Variants in CDH1 observed in about 807,000 individuals in gnomAD.
CDH1 encodes the protein cadherin 1, also known as cadherin-1.
A neutral mutation model predicts 84.5 loss-of-function variants in CDH1; 35 were observed. That is an observed-to-expected ratio of 0.41 (90% confidence interval 0.32 to 0.55). The LOEUF (loss-of-function observed/expected upper bound fraction) is 0.55. Ranked by LOEUF, CDH1 falls within the 20% of genes least tolerant of loss-of-function variation. The pLI is 0.19. For missense variants in CDH1, 994 were observed against 1,126.6 expected (o/e 0.88, Z 1.68); for synonymous variants, 417 against 439.0 (o/e 0.95, Z 0.63).
intron 15 of CDH1, among the ~76,000 whole-genome samples, chr16:68,831,166 C>T (rs568767906): frequency 6.8e-6 from 1 of 146,960 alleles, no homozygotes; most frequent in East Asian, 2.0e-4. Flanking sequence ...GCAAGCTCTA[C>T]CTCCCAGGTT....
intron 2 of CDH1, among the ~76,000 whole-genome samples, chr16:68,773,079 G>A (rs551865228): frequency 1.3e-5 from 2 of 152,292 alleles, no homozygotes; most frequent in African/African-American, 4.8e-5. Flanking sequence ...ATAAGTGGTG[G>A]AAGGAGAATT....
intron 2 of CDH1, among the ~76,000 whole-genome samples, chr16:68,793,988 CTCTA>C (rs1264980149): frequency 1.3e-5 from 2 of 150,676 alleles, no homozygotes; most frequent in East Asian, 3.9e-4. Context: ...CACAGGACTG[CTCTA>C]TCTAATAAGG....
At chr16:68,785,216 GA>G (rs1960011957) in intron 2 of CDH1, among the ~76,000 whole-genome samples, 1 of 151,866 alleles carries the variant, frequency 6.6e-6, no homozygotes, top group South Asian at 2.1e-4. Context: ...CTTTGAGATG[GA>G]GTCTTGCTCT....
intron 2 of CDH1, among the ~76,000 whole-genome samples, chr16:68,755,760 ATTT>A (rs34523825): frequency 1.2e-4 from 15 of 122,436 alleles, no homozygotes; most frequent in Admixed American, 2.6e-4. Flanking sequence ...AGTTTTCTAA[ATTT>A]TTTTTTTTTT....
chr16:68,789,794 TCATGC>T, intron 2 of CDH1, among the ~76,000 whole-genome samples: 1 of 152,094 alleles, frequency 6.6e-6, no homozygotes. Context: ...GCCCGGTGGC[TCATGC>T]CTGTAATCCC....
chr16:68,804,102 CTTTTTTTTTTTTT>C (rs10563852), intron 3 of CDH1, among the ~76,000 whole-genome samples: 20 of 75,092 alleles, frequency 2.7e-4, no homozygotes, highest in East Asian at 1.7e-3. Flanking sequence ...ATCTGTCTGC[CTTTTTTTTTTTTT>C]TTTTTTTTTT....
intron 2 of CDH1, among the ~76,000 whole-genome samples, chr16:68,788,119 A>T (rs59209050): frequency 6.6e-5 from 10 of 151,928 alleles, no homozygotes; most frequent in East Asian, 5.8e-4. Context: ...GAGCCACCGC[A>T]CCCAGCCTAC....
intron 2 of CDH1, among the ~76,000 whole-genome samples, chr16:68,760,646 G>T (rs551248210): frequency 5.3e-5 from 8 of 152,188 alleles, no homozygotes; most frequent in Admixed American, 1.3e-4. Flanking sequence ...GTTCTCTTCC[G>T]CACAGTGTGT....
intron 2 of CDH1, among the ~76,000 whole-genome samples, chr16:68,794,971 C>T (rs1001675154): frequency 3.0e-4 from 46 of 151,898 alleles, no homozygotes; most frequent in Non-Finnish European, 4.7e-4. Context: ...GGATTACAGG[C>T]GTGAGCCACC....
chr16:68,757,135 C>A (rs1963036394), intron 2 of CDH1, among the ~76,000 whole-genome samples: 1 of 152,162 alleles, frequency 6.6e-6, no homozygotes, highest in African/African-American at 2.4e-5. Context: ...GTCACCCAGG[C>A]TGGAGCGCAG....
Position 68,738,341 on chromosome 16 carries a change from C to T in CDH1, c.93C>T (p.Gly31=), listed in dbSNP as rs1555509771. 1 of 1,535,394 alleles carries T rather than the reference C, an allele frequency of 6.5e-7. No individual in the cohort carries two copies. Among genetic ancestry groups the T allele is most frequent in the Non-Finnish European group, 8.8e-7 (1 of 1,139,762 alleles). The stretch of plus-strand genomic sequence containing the variant: ...AGGAGCCGGAGCCCTGCCACCCTGG[C>T]TTTGACGCCGAGAGCTACACGTTCA... The part of the protein sequence containing the change: ...LCQEPEPCHP[G]FDAESYTFTV... The change falls in exon 2 of 16, where the codon GGC becomes GGT. Residue 31 remains glycine, a synonymous_variant. Coordinates refer to ENST00000261769, the MANE Select transcript of CDH1 (RefSeq NM_004360.5).
intron 2 of CDH1, among the ~76,000 whole-genome samples, chr16:68,780,954 G>A (rs557169167): frequency 7.2e-5 from 11 of 152,344 alleles, no homozygotes; most frequent in Non-Finnish European, 1.3e-4. Context: ...GCTCAATGCG[G>A]CTACTGTGTA....
chr16:68,776,850 C>A (rs1959746390), intron 2 of CDH1, among the ~76,000 whole-genome samples: 1 of 152,190 alleles, frequency 6.6e-6, no homozygotes, highest in African/African-American at 2.4e-5. Flanking sequence ...TCATGTAGTT[C>A]TCACGACAGT....
At chr16:68,828,432 A>G in intron 14 of CDH1, 128 bp downstream of exon 14, 1 of 866,008 alleles carries the variant, frequency 1.2e-6, no homozygotes, top group Admixed American at 2.0e-5. Flanking sequence ...GGCCTTACCC[A>G]AGAAAGTAGA....
chr16:68,749,477 G>A (rs773879742), intron 2 of CDH1, among the ~76,000 whole-genome samples: 4 of 152,178 alleles, frequency 2.6e-5, no homozygotes, highest in Admixed American at 6.6e-5. Context: ...GACCTCACAC[G>A]CTGGAGGATT....
At chr16:68,797,890 C>T (rs1960404437) in intron 2 of CDH1, among the ~76,000 whole-genome samples, 2 of 151,920 alleles carry the variant, frequency 1.3e-5, no homozygotes, top group Admixed American at 1.3e-4. Flanking sequence ...ACCAGCCTGG[C>T]CAACATGGTG....
Position 68,801,729 on chromosome 16 carries a change from T to C in CDH1, c.223T>C (p.Phe75Leu), listed in dbSNP as rs587782193. ...AGCCTATTTTTCCCTCGACACCCGA[T>C]TCAAAGTGGGCACAGATGGTGTGAT... ...RTAYFSLDTR[F>L]KVGTDGVITV... Residue 75 changes from phenylalanine to leucine, a missense_variant, in exon 3 of 16, where the codon TTC becomes CTC. Physicochemically the swap from Phe to Leu is conservative, Grantham distance 22. Coordinates refer to ENST00000261769, the MANE Select transcript of CDH1 (RefSeq NM_004360.5). 1 of 1,614,168 alleles carries C rather than the reference T, an allele frequency of 6.2e-7. No homozygotes were observed. The highest frequency in any genetic ancestry group is 8.5e-7 in the Non-Finnish European group (1 of 1,180,018).
At chr16:68,756,129 CAT>C (rs201268843) in intron 2 of CDH1, among the ~76,000 whole-genome samples, 74 of 147,766 alleles carry the variant, frequency 5.0e-4, no homozygotes, top group African/African-American at 1.8e-3. Context: ...TCATTTAGGG[CAT>C]ATTTTTTTTT....
chr16:68,810,385 G>A (rs2152131281), intron 6 of CDH1, 44 bp downstream of exon 6: 1 of 1,591,870 alleles, frequency 6.3e-7, no homozygotes, highest in Non-Finnish European at 8.6e-7. Flanking sequence ...AAGACTCTTA[G>A]GTTCTTTGGA....
Sources: gnomAD v4.1 joint callset for allele counts (sites outside exome capture counted in the v4.1 genomes callset) on GRCh38, gnomAD v4.1.1 for gene constraint, MANE v1.5 for transcripts, NCBI Gene and HGNC (gene_info 2026-07-23, HGNC 2026-07-21) for gene names.